The following TRIM23 variants were observed in gnomAD, a reference collection of about 807,000 sequenced individuals.
The protein encoded by TRIM23 is tripartite motif containing 23.
TRIM23 carries 27 observed loss-of-function variants against 71.0 expected under a neutral mutation model. The ratio of observed to expected loss-of-function variants is 0.38; its 90% CI spans 0.28 to 0.52. TRIM23 has a LOEUF of 0.52. TRIM23 is among the 20% of genes least tolerant of loss of function. The pLI, the probability that TRIM23 is intolerant of heterozygous loss-of-function variation, is 0.84. For synonymous variants in TRIM23, 234 were observed against 238.0 expected, an observed-to-expected ratio of 0.98 and a Z score of 0.16; for missense variants, 482 against 692.3, an observed-to-expected ratio of 0.70 and a Z score of 3.41.
intron 10 of TRIM23, among the ~76,000 whole-genome samples, chr5:65,593,485 T>C (rs1754101036): frequency 6.6e-6 from 1 of 152,196 alleles, no homozygotes; most frequent in Non-Finnish European, 1.5e-5. Flanking sequence ...TAAAACACTT[T>C]CATCTTTAAC....
intron 10 of TRIM23, among the ~76,000 whole-genome samples, chr5:65,593,644 T>G (rs1486880703): frequency 2.0e-5 from 3 of 152,120 alleles, no homozygotes; most frequent in Non-Finnish European, 4.4e-5. Flanking sequence ...CTGCTCCACT[T>G]CTACTCTCCT....
intron 1 of TRIM23, among the ~76,000 whole-genome samples, chr5:65,621,215 G>A (rs937510301): frequency 3.9e-5 from 6 of 152,132 alleles, no homozygotes; most frequent in East Asian, 1.9e-4. Flanking sequence ...AGCCAGGCGC[G>A]GTGGCGGGCA....
At chr5:65,599,539 TA>T (rs770966213) in intron 7 of TRIM23, among the ~76,000 whole-genome samples, 11 of 152,222 alleles carry the variant, frequency 7.2e-5, no homozygotes, top group Non-Finnish European at 1.6e-4. Flanking sequence ...GGCGTACACC[TA>T]ACCAAGATGG....
intron 7 of TRIM23, among the ~76,000 whole-genome samples, chr5:65,602,763 A>T (rs1053697908): frequency 6.6e-6 from 1 of 152,166 alleles, no homozygotes; most frequent in African/African-American, 2.4e-5. Context: ...AAAAATGAGG[A>T]AGAAGCAAAA....
At chr5:65,608,996 G>A (rs897164668) in intron 6 of TRIM23, among the ~76,000 whole-genome samples, 6 of 151,852 alleles carry the variant, frequency 4.0e-5, no homozygotes, top group Non-Finnish European at 7.4e-5. Flanking sequence ...AAAAGGATTT[G>A]GCATAACTGA....
rs1374866244 is a variant in TRIM23 at position 65,624,314 on chromosome 5, C to T, written c.-40G>A. 4 of 1,608,624 alleles carry T rather than the reference C, an allele frequency of 2.5e-6. No homozygotes were observed. In the Admixed American group the frequency reaches 5.0e-5, roughly 20 times the overall value. On this transcript the variant is annotated 5_prime_UTR_variant, in exon 1 of 11. Transcript: ENST00000231524. Reference sequence around the variant, plus strand: ...CGCCACAGAAACAGCCTTCAGAGTCCTCAACTGAGAGGCGGGGTTGAGCCA... The same window carrying T: ...CGCCACAGAAACAGCCTTCAGAGTCTTCAACTGAGAGGCGGGGTTGAGCCA...
rs1329804164 is a variant in TRIM23 at position 65,610,902 on chromosome 5, G to C, written c.787C>G (p.Gln263Glu). 1 of 1,612,514 alleles carries C rather than the reference G, an allele frequency of 6.2e-7. No homozygotes were observed. The highest frequency in any genetic ancestry group is 8.5e-7 in the Non-Finnish European group (1 of 1,179,624). The part of the protein sequence containing the change: ...GIVQHIEGGE[Q>E]IVEDGIGMAH... ...ATTCCAATTCCATCTTCCACGATTT[G>C]TTCTCCTCCTTCAATGTGCTGCACA... is the stretch of plus-strand genomic sequence containing the variant. The change falls in exon 5 of 11, where the codon CAA becomes GAA. Residue 263 changes from glutamine to glutamate, a missense_variant. By Grantham distance (29) the Gln-to-Glu change is conservative. Coordinates refer to ENST00000231524, the MANE Select transcript of TRIM23 (RefSeq NM_001656.4).
intron 2 of TRIM23, among the ~76,000 whole-genome samples, chr5:65,616,367 C>T (rs1397331536): frequency 6.6e-6 from 1 of 151,940 alleles, no homozygotes; most frequent in East Asian, 1.9e-4. Flanking sequence ...GTAGAAGAGC[C>T]AGGTGTGGTG....
At position 65,594,616 on chromosome 5, in the gene TRIM23, T is replaced by A. The variant is rs1346767058; in HGVS notation, c.1450A>T (p.Arg484Ter). Residue 484 changes from arginine to a stop codon, truncating the protein, a stop_gained, in exon 10 of 11, where the codon AGA (arginine) becomes TGA (stop). Transcript: ENST00000231524. LOFTEE classifies it high-confidence loss of function. The part of the protein sequence containing the change: ...AVVFVVDSSH[R>*]DRISEAHSEL... Reference sequence around the variant, plus strand: ...CTGTGTGCTTCACTAATTCTGTCTCTATGACTGCTATCTACAACAAACACA... The same window carrying A: ...CTGTGTGCTTCACTAATTCTGTCTCAATGACTGCTATCTACAACAAACACA... 1 of 1,605,408 alleles carries A rather than the reference T, an allele frequency of 6.2e-7. No homozygotes were observed. The highest frequency in any genetic ancestry group is 1.7e-5 in the Admixed American group (1 of 57,944).
At chr5:65,615,347 C>G (rs1008975695) in intron 2 of TRIM23, among the ~76,000 whole-genome samples, 1 of 152,206 alleles carries the variant, frequency 6.6e-6, no homozygotes, top group East Asian at 1.9e-4. Flanking sequence ...CATACACACT[C>G]TTCCTGAACC....
intron 6 of TRIM23, among the ~76,000 whole-genome samples, chr5:65,606,760 T>G (rs557560688): frequency 3.9e-5 from 6 of 152,366 alleles, no homozygotes; most frequent in Admixed American, 3.9e-4. Context: ...CAATAATGCT[T>G]ACCCTGACTA....
chr5:65,601,493 G>A (rs954675853), intron 7 of TRIM23, among the ~76,000 whole-genome samples: 1 of 152,088 alleles, frequency 6.6e-6, no homozygotes, highest in Non-Finnish European at 1.5e-5. Flanking sequence ...ATCAGATCTC[G>A]TGAGACTTAA....
At chr5:65,620,263 A>T (rs465675) in intron 1 of TRIM23, among the ~76,000 whole-genome samples, 94,192 of 151,900 alleles carry the variant, frequency 0.62, 29,473 homozygotes, top group South Asian at 0.65. Context: ...GGGCAACTTG[A>T]CAATACTTAC....
rs557378729 is a variant in TRIM23 at position 65,599,651 on chromosome 5, T to C, written c.1180-2471A>G. On this transcript the variant is annotated intron_variant, in intron 7 of 10. Transcript: ENST00000231524. Reference sequence around the variant, plus strand: ...GATTGAAAGACATAAAATATTAAGATATGAATAACAGCCCAGGTAATTTAT... The same window carrying C: ...GATTGAAAGACATAAAATATTAAGACATGAATAACAGCCCAGGTAATTTAT... Among the ~76,000 whole-genome samples, 5 of 152,306 alleles carry C rather than the reference T, an allele frequency of 3.3e-5. No individual in the cohort carries two copies. The East Asian group carries it at 7.7e-4, about 23-fold the overall frequency.
In TRIM23 at chr5:65,593,921, G is replaced by A. The variant is rs1251441896; in HGVS notation, c.1545+600C>T. ...AATTATAGTATTGAAACACTGATATGATCTTATTACCCACTAATCCAACAT... is the reference window on the plus strand; with the variant it reads ...AATTATAGTATTGAAACACTGATATAATCTTATTACCCACTAATCCAACAT... On this transcript the variant is annotated intron_variant, in intron 10 of 10. Coordinates refer to ENST00000231524, the MANE Select transcript of TRIM23 (RefSeq NM_001656.4). Among the ~76,000 whole-genome samples the A allele has an allele frequency of 6.6e-5, 10 of 152,256 alleles. No individual in the cohort carries two copies. The South Asian group carries it at 2.1e-3, about 32-fold the overall frequency.
intron 7 of TRIM23, among the ~76,000 whole-genome samples, chr5:65,597,477 TA>T (rs1368687795): frequency 2.0e-5 from 3 of 152,150 alleles, no homozygotes; most frequent in Non-Finnish European, 4.4e-5. Context: ...TATGCTATAC[TA>T]AAAAAATCAC....
In TRIM23 at chr5:65,602,403, C is replaced by A. The variant is rs545085902; in HGVS notation, c.1179+2508G>T. Reference sequence around the variant, plus strand: ...TCTGAGACCACCTCAGCCTGGATTTCGCCATCCATATCATTATCAGTATTT... The same window carrying A: ...TCTGAGACCACCTCAGCCTGGATTTAGCCATCCATATCATTATCAGTATTT... On this transcript the variant is annotated intron_variant, in intron 7 of 10. Coordinates refer to ENST00000231524, the MANE Select transcript of TRIM23 (RefSeq NM_001656.4). 1.4e-4 allele frequency among the ~76,000 whole-genome samples: 21 copies of A among 152,270 alleles called. 1 individual carries two copies. Among genetic ancestry groups the A allele is most frequent in the African/African-American group, 4.3e-4 (18 of 41,568 alleles).
intron 9 of TRIM23, among the ~76,000 whole-genome samples, chr5:65,595,639 T>G (rs923927090): frequency 6.6e-6 from 1 of 151,852 alleles, no homozygotes; most frequent in Non-Finnish European, 1.5e-5. Flanking sequence ...GGTGGGAAGA[T>G]TGCTTGAGCC....
intron 10 of TRIM23, 143 bp from the exon 11 acceptor site, chr5:65,592,091 TGA>T: frequency 1.3e-6 from 1 of 747,540 alleles, no homozygotes; most frequent in South Asian, 2.3e-5. Flanking sequence ...GTAATTATTC[TGA>T]GATTAATAAG....
Sources: allele counts gnomAD v4.1 joint callset (sites outside exome capture counted in the v4.1 genomes callset), GRCh38; gene constraint gnomAD v4.1.1; transcripts MANE v1.5; gene names NCBI Gene and HGNC (gene_info 2026-07-23, HGNC 2026-07-21).